SULF1: variants seen among roughly 807,000 people sequenced by gnomAD.
SULF1 encodes extracellular sulfatase Sulf-1.
In SULF1, 46 loss-of-function variants were observed where a neutral mutation model predicts 110.5. That is an observed-to-expected ratio of 0.42 (90% CI 0.33 to 0.53). The LOEUF (loss-of-function observed/expected upper bound fraction) is 0.53. Among genes scored for constraint, SULF1 ranks in the 20% least tolerant of loss-of-function variants. The probability of loss-of-function intolerance (pLI) is 0.12; values close to 1 mark genes in which losing one functional copy is unlikely to be tolerated. For missense variants in SULF1, 941 were observed against 1,094.2 expected (o/e 0.86, Z 1.98); for synonymous variants, 371 against 387.1 (o/e 0.96, Z 0.49).
intron 14 of SULF1, 149 bp from the exon 15 acceptor site, chr8:69,623,793 C>T (rs1274033412): frequency 3.5e-6 from 3 of 865,234 alleles, no homozygotes; most frequent in African/African-American, 1.7e-5. Flanking sequence ...ACCTCTGCTA[C>T]CGTGAATTGC....
chr8:69,500,735 C>T (rs566031088), intron 2 of SULF1, among the ~76,000 whole-genome samples: 4 of 152,214 alleles, frequency 2.6e-5, no homozygotes, highest in African/African-American at 9.6e-5. Flanking sequence ...CACAGTGAAG[C>T]GAGTGATCTA....
At chr8:69,566,913 C>G (rs151222695) in intron 5 of SULF1, among the ~76,000 whole-genome samples, 1 of 152,200 alleles carries the variant, frequency 6.6e-6, no homozygotes, top group Non-Finnish European at 1.5e-5. Context: ...TTACTATTCT[C>G]TCTTTAATTT....
chr8:69,638,346 G>A, intron 19 of SULF1, 156 bp from the exon 20 acceptor site: 3 of 843,328 alleles, frequency 3.6e-6, no homozygotes, highest in Non-Finnish European at 5.3e-6. Flanking sequence ...ACCTACGGGG[G>A]GAAAGGTATT....
chr8:69,489,827 A>G (rs2150552220), upstream of SULF1, among the ~76,000 whole-genome samples: 1 of 152,054 alleles, frequency 6.6e-6, no homozygotes, highest in African/African-American at 2.4e-5. Flanking sequence ...CAGGAGCATG[A>G]GCCACTGCGC....
At chr8:69,654,150 C>T (rs1227611481) in intron 22 of SULF1, among the ~76,000 whole-genome samples, 2 of 152,178 alleles carry the variant, frequency 1.3e-5, no homozygotes, top group Non-Finnish European at 2.9e-5. Flanking sequence ...GAGCCTTTTT[C>T]AAGCTGTTAA....
intron 3 of SULF1, among the ~76,000 whole-genome samples, chr8:69,555,298 T>G (rs1031188115): frequency 1.3e-5 from 2 of 152,182 alleles, no homozygotes; most frequent in Non-Finnish European, 2.9e-5. Context: ...TTCCCCACTC[T>G]GCTGTGTTTA....
In SULF1 at chr8:69,649,972, C is replaced by CTTTTTTTTT. The variant is rs536073966; in HGVS notation, c.2586-8504_2586-8496dup. On this transcript the variant is annotated intron_variant, in intron 22 of 22. Coordinates refer to ENST00000402687, the MANE Select transcript of SULF1 (RefSeq NM_001128205.2). Reference sequence around the variant, plus strand: ...CCCACTCTGTAATTCCTCCTGCTTGCTTTTTTTTTTTTTTTTTTTTTTTTT... The same window carrying CTTTTTTTTT: ...CCCACTCTGTAATTCCTCCTGCTTGCTTTTTTTTTTTTTTTTTTTTTTTTTTTTTTTTTT... Among the ~76,000 whole-genome samples the CTTTTTTTTT allele has an allele frequency of 3.1e-3, 96 of 30,588 alleles. 44 individuals are homozygous for CTTTTTTTTT. The highest frequency in any genetic ancestry group is 0.028 in the Middle Eastern group (1 of 36). The allele number at this position is 30,588 out of a possible 152,430, so 20.1% of individuals were successfully genotyped here. A position where few individuals can be genotyped will look rare whatever the true frequency, so the allele number is the denominator to read the frequency against.
At chr8:69,638,963 G>T in intron 21 of SULF1, 105 bp downstream of exon 21, 1 of 1,161,634 alleles carries the variant, frequency 8.6e-7, no homozygotes, top group Non-Finnish European at 1.2e-6. Flanking sequence ...TATAATTCAA[G>T]ATACTTAGAG....
chr8:69,513,805 A>G (rs1029476598), intron 3 of SULF1, among the ~76,000 whole-genome samples: 5 of 152,252 alleles, frequency 3.3e-5, no homozygotes, highest in Admixed American at 6.5e-5. Context: ...TTTCAGCCAC[A>G]TTACAGAAAA....
At chr8:69,560,830 C>T (rs1424913773) in intron 3 of SULF1, among the ~76,000 whole-genome samples, 1 of 152,126 alleles carries the variant, frequency 6.6e-6, no homozygotes, top group Non-Finnish European at 1.5e-5. Context: ...TGCAGTGTTT[C>T]TAGAGTGGCA....
In SULF1 at chr8:69,576,121, C is replaced by A; in HGVS notation, c.324C>A (p.Asn108Lys). ...KYVHNHNVYT[N>K]NENCSSPSWQ... is the part of the protein sequence containing the mutation. ...TGCACAATCACAATGTCTACACCAA[C>A]AACGAGAACTGCTCTTCCCCCTCGT... The change falls in exon 6 of 23, where the codon AAC (asparagine) becomes AAA (lysine). Residue 108 changes from asparagine (N) to lysine (K), a missense_variant. Coordinates refer to ENST00000402687, the MANE Select transcript of SULF1 (RefSeq NM_001128205.2). 1 of 1,614,220 alleles carries A rather than the reference C, an allele frequency of 6.2e-7. No homozygotes were observed. The highest frequency in any genetic ancestry group is 1.1e-5 in the South Asian group (1 of 91,082).
chr8:69,557,919 G>A (rs1815222114), intron 3 of SULF1, among the ~76,000 whole-genome samples: 1 of 152,162 alleles, frequency 6.6e-6, no homozygotes, highest in Non-Finnish European at 1.5e-5. Flanking sequence ...ATTTATTATT[G>A]GAGGAGAATA....
At chr8:69,521,022 C>T (rs756912922) in intron 3 of SULF1, among the ~76,000 whole-genome samples, 1 of 152,126 alleles carries the variant, frequency 6.6e-6, no homozygotes, top group Non-Finnish European at 1.5e-5. Flanking sequence ...GAAAATTTCT[C>T]GGCTGCTTGG....
At chr8:69,497,155 CTT>C (rs5892193) in intron 2 of SULF1, among the ~76,000 whole-genome samples, 49,797 of 121,156 alleles carry the variant, frequency 0.41, 9,069 homozygotes, top group East Asian at 0.66. Context: ...GTTCTTTTCT[CTT>C]TTTTTTTTTT....
At position 69,566,894 on chromosome 8, in the gene SULF1, A is replaced by G. The variant is rs928568690; in HGVS notation, c.172+2747A>G. On this transcript the variant is annotated intron_variant, in intron 5 of 22. Coordinates refer to ENST00000402687, the MANE Select transcript of SULF1 (RefSeq NM_001128205.2). Reference sequence around the variant, plus strand: ...CTTGTTTAACTCTCACAGTAACTCTAGGAAGTAGTTACTATTCTCTCTTTA... The same window carrying G: ...CTTGTTTAACTCTCACAGTAACTCTGGGAAGTAGTTACTATTCTCTCTTTA... Among the ~76,000 whole-genome samples, 5 of 152,166 alleles carry G rather than the reference A, an allele frequency of 3.3e-5. No homozygotes were observed. In the East Asian group the frequency reaches 7.7e-4, roughly 23 times the overall value.
intron 1 of SULF1, among the ~76,000 whole-genome samples, chr8:69,469,985 T>G (rs1308380365): frequency 6.6e-6 from 1 of 152,124 alleles, no homozygotes; most frequent in Non-Finnish European, 1.5e-5. Context: ...GAGGTTGCAG[T>G]GAGCCGAGAT....
chr8:69,557,054 G>A (rs896324525), intron 3 of SULF1, among the ~76,000 whole-genome samples: 2 of 152,160 alleles, frequency 1.3e-5, no homozygotes, highest in Admixed American at 6.5e-5. Flanking sequence ...AGTTTGCTGA[G>A]GATAATGGCT....
rs1204093399 is a variant in SULF1 at position 69,563,623 on chromosome 8, C to A, written c.-61+12C>A. Reference sequence around the variant, plus strand: ...ATACCTAATTCAAGGTATTAGCTCTCGTCAGAAAGCTTTTACATTTGAGCT... The same window carrying A: ...ATACCTAATTCAAGGTATTAGCTCTAGTCAGAAAGCTTTTACATTTGAGCT... On this transcript the variant is annotated intron_variant, in intron 4 of 22. Transcript: ENST00000402687. 4.8e-6 allele frequency: 1 copy of A among 208,374 alleles called. No individual in the cohort carries two copies. Among genetic ancestry groups the A allele is most frequent in the African/African-American group, 2.3e-5 (1 of 43,238 alleles). 12.9% of individuals were successfully genotyped at this position (208,374 alleles called of 1,614,324 possible).
chr8:69,646,128 A>AGTAGCTGGGATTAC (rs1811892970), intron 22 of SULF1, among the ~76,000 whole-genome samples: 1 of 150,086 alleles, frequency 6.7e-6, no homozygotes, highest in Non-Finnish European at 1.5e-5. Flanking sequence ...TGCTACATCA[A>AGTAGCTGGGATTAC]AGGATGTAAT....
Sources: allele counts gnomAD v4.1 joint callset (sites outside exome capture counted in the v4.1 genomes callset), GRCh38; gene constraint gnomAD v4.1.1; transcripts MANE v1.5; gene names NCBI Gene and HGNC (gene_info 2026-07-23, HGNC 2026-07-21).